The following TNNI3K variants were observed in gnomAD, a reference collection of about 807,000 sequenced individuals.
The protein encoded by TNNI3K is TNNI3 interacting kinase, also known as serine/threonine-protein kinase TNNI3K.
A neutral mutation model predicts 114.5 loss-of-function variants in TNNI3K; 140 were observed. The observed-to-expected ratio is 1.22, with a 90% confidence interval of 1.07 to 1.41. The LOEUF (loss-of-function observed/expected upper bound fraction) is 1.41, where lower values mean the gene tolerates loss of function less well. Ranked by LOEUF, TNNI3K falls within the 40% of genes most tolerant of loss-of-function variation. The pLI is 0.00. For synonymous variants in TNNI3K, 347 were observed against 347.5 expected (o/e 1.00, Z 0.02); for missense variants, 1,125 against 1,007.6 (o/e 1.12, Z -1.58).
chr1:74,279,208 T>C (rs994609169), intron 5 of TNNI3K, among the ~76,000 whole-genome samples: 1 of 152,128 alleles, frequency 6.6e-6, no homozygotes, highest in Non-Finnish European at 1.5e-5. Flanking sequence ...CTTACCTGGG[T>C]ATTGGACAAG....
At chr1:74,387,674 T>C (rs1663556286) in intron 17 of TNNI3K, among the ~76,000 whole-genome samples, 3 of 152,312 alleles carry the variant, frequency 2.0e-5, no homozygotes, top group South Asian at 4.1e-4. Flanking sequence ...GTAACCAAAA[T>C]ATAGCAGAAA....
intron 24 of TNNI3K, chr1:74,541,410 A>T (rs556414302): frequency 1.3e-5 from 2 of 152,212 alleles, no homozygotes; most frequent in Non-Finnish European, 2.9e-5. Context: ...AGTGCTTTTT[A>T]TCATCAGTTT....
At chr1:74,245,833 C>G (rs995132189) in intron 2 of TNNI3K, among the ~76,000 whole-genome samples, 3 of 152,114 alleles carry the variant, frequency 2.0e-5, no homozygotes, top group Non-Finnish European at 4.4e-5. Context: ...GCAGTATTCC[C>G]AAACTTTTTT....
chr1:74,499,315 A>T (rs1164992751), intron 23 of TNNI3K, among the ~76,000 whole-genome samples: 1 of 152,014 alleles, frequency 6.6e-6, no homozygotes, highest in African/African-American at 2.4e-5. Context: ...TTAATTTTTA[A>T]TTTTTATTTT....
At chr1:74,453,234 A>T (rs527947048) in intron 20 of TNNI3K, among the ~76,000 whole-genome samples, 1 of 152,198 alleles carries the variant, frequency 6.6e-6, no homozygotes, top group African/African-American at 2.4e-5. Flanking sequence ...CTTGCCTAAG[A>T]GTATCTTTGT....
chr1:74,515,699 GACTGAAC>G (rs1646339511), intron 23 of TNNI3K, among the ~76,000 whole-genome samples: 1 of 152,180 alleles, frequency 6.6e-6, no homozygotes, highest in Admixed American at 6.5e-5. Flanking sequence ...GAGGGATGGA[GACTGAAC>G]ACTGATGGAA....
intron 23 of TNNI3K, among the ~76,000 whole-genome samples, chr1:74,496,778 C>G (rs1669348036): frequency 6.6e-6 from 1 of 152,076 alleles, no homozygotes; most frequent in Non-Finnish European, 1.5e-5. Flanking sequence ...TTTTGTGCCT[C>G]TAGATATATT....
intron 23 of TNNI3K, among the ~76,000 whole-genome samples, chr1:74,514,537 C>G (rs796221714): frequency 2.0e-5 from 3 of 152,206 alleles, no homozygotes; most frequent in African/African-American, 7.2e-5. Context: ...TACTAGTACA[C>G]ATATTATTAA....
At chr1:74,391,184 C>A (rs1339615812) in intron 17 of TNNI3K, among the ~76,000 whole-genome samples, 1 of 152,156 alleles carries the variant, frequency 6.6e-6, no homozygotes, top group African/African-American at 2.4e-5. Context: ...AATATTTGGA[C>A]ACTAGAGATA....
intron 19 of TNNI3K, 127 bp downstream of exon 19, chr1:74,436,653 G>A (rs759100267): frequency 4.2e-5 from 38 of 913,930 alleles, no homozygotes; most frequent in Non-Finnish European, 5.6e-5. Context: ...TGGGATAATG[G>A]CTTATGTCTT....
At chr1:74,480,873 G>A (rs1315561330) in intron 21 of TNNI3K, 1 of 717,494 alleles carries the variant, frequency 1.4e-6, no homozygotes. Flanking sequence ...CTTAGGGAGA[G>A]CAGGGCAAGA....
At chr1:74,352,829 A>C (rs1000855397) in intron 9 of TNNI3K, among the ~76,000 whole-genome samples, 1 of 152,032 alleles carries the variant, frequency 6.6e-6, no homozygotes, top group African/African-American at 2.4e-5. Context: ...GCGCAGTATT[A>C]GGGTGGGAGT....
At chr1:74,436,186 A>G (rs1666120244) in intron 18 of TNNI3K, 54 bp downstream of exon 18, 2 of 1,596,976 alleles carry the variant, frequency 1.3e-6, no homozygotes, top group African/African-American at 2.7e-5. Context: ...CTGGTACAAT[A>G]TGGTGCCTGA....
intron 9 of TNNI3K, among the ~76,000 whole-genome samples, chr1:74,346,533 G>A (rs1661006987): frequency 1.3e-5 from 2 of 151,840 alleles, no homozygotes; most frequent in Non-Finnish European, 1.5e-5. Context: ...TTCCAGATGT[G>A]AGAATCTTTA....
chr1:74,342,895 G>A lies in TNNI3K; in HGVS notation c.736G>A (p.Gly246Arg). ...CCCACTCCATTTCTGTTCTCGATTT[G>A]GACACCATGATATAGTTAAGTATCT... Reference protein sequence around the residue: ...HVPLHFCSRFGHHDIVKYLLQ... With the variant: ...HVPLHFCSRFRHHDIVKYLLQ... The change falls in exon 8 of 25, where the codon GGA (glycine) becomes AGA (arginine). Residue 246 changes from glycine to arginine, a missense_variant. Physicochemically the swap from Gly to Arg is moderately radical, Grantham distance 125. Coordinates refer to ENST00000326637, the MANE Select transcript of TNNI3K (RefSeq NM_015978.3). 1 of 1,613,774 alleles carries A rather than the reference G, an allele frequency of 6.2e-7. No homozygotes were observed. The highest frequency in any genetic ancestry group is 8.5e-7 in the Non-Finnish European group (1 of 1,179,892).
intron 23 of TNNI3K, among the ~76,000 whole-genome samples, chr1:74,522,986 G>A (rs1182378893): frequency 1.3e-5 from 2 of 152,124 alleles, no homozygotes; most frequent in African/African-American, 4.8e-5. Flanking sequence ...CTAATGAGAG[G>A]GGAAACCCCA....
intron 9 of TNNI3K, among the ~76,000 whole-genome samples, chr1:74,350,600 T>C (rs1006719514): frequency 1.3e-5 from 2 of 152,180 alleles, no homozygotes; most frequent in African/African-American, 2.4e-5. Context: ...TATGGGAGTC[T>C]AAGTCTCTTT....
At chr1:74,435,767 G>A (rs779518260) in intron 17 of TNNI3K, among the ~76,000 whole-genome samples, 1 of 151,980 alleles carries the variant, frequency 6.6e-6, no homozygotes, top group Non-Finnish European at 1.5e-5. Context: ...CCACAATTGT[G>A]TTAGCAAATG....
intron 5 of TNNI3K, among the ~76,000 whole-genome samples, chr1:74,282,418 G>C (rs1221660055): frequency 6.6e-6 from 1 of 151,630 alleles, no homozygotes; most frequent in Non-Finnish European, 1.5e-5. Context: ...TGCATTCGCT[G>C]TATGTTAACA....
Sources: allele counts gnomAD v4.1 joint callset (sites outside exome capture counted in the v4.1 genomes callset), GRCh38; gene constraint gnomAD v4.1.1; transcripts MANE v1.5; gene names NCBI Gene and HGNC (gene_info 2026-07-23, HGNC 2026-07-21).